TAF1B: variants seen among roughly 807,000 people sequenced by gnomAD.
TAF1B encodes the protein TATA-box binding protein associated factor, RNA polymerase I subunit B.
A neutral mutation model predicts 83.9 loss-of-function variants in TAF1B; 61 were observed. The ratio of observed to expected loss-of-function variants is 0.73; its 90% CI spans 0.59 to 0.90. TAF1B has a LOEUF of 0.90. Ranked by LOEUF, TAF1B falls within the 40% of genes least tolerant of loss-of-function variation. The probability of loss-of-function intolerance (pLI) is 0.00; values close to 1 mark genes in which losing one functional copy is unlikely to be tolerated. For synonymous variants in TAF1B, 221 were observed against 224.6 expected, an observed-to-expected ratio of 0.98 and a Z score of 0.14; for missense variants, 625 against 677.0, an observed-to-expected ratio of 0.92 and a Z score of 0.85.
At chr2:9,855,293 C>T (rs1663526386) in intron 5 of TAF1B, among the ~76,000 whole-genome samples, 1 of 152,236 alleles carries the variant, frequency 6.6e-6, no homozygotes, top group African/African-American at 2.4e-5. Flanking sequence ...CTGCGCCCAG[C>T]CAGTTGGATA....
At chr2:9,870,419 C>T (rs1664130537) in intron 6 of TAF1B, among the ~76,000 whole-genome samples, 2 of 152,054 alleles carry the variant, frequency 1.3e-5, no homozygotes, top group South Asian at 2.1e-4. Context: ...GCCAGGAGGT[C>T]GAGGCTGTAG....
intron 8 of TAF1B, among the ~76,000 whole-genome samples, chr2:9,903,145 GCGC>G (rs1665232764): frequency 1.3e-5 from 2 of 152,100 alleles, no homozygotes; most frequent in African/African-American, 4.8e-5. Flanking sequence ...GAGTGCAGTG[GCGC>G]AGTCTCGGCT....
At chr2:9,863,170 A>G (rs1663837621) in intron 5 of TAF1B, among the ~76,000 whole-genome samples, 1 of 152,220 alleles carries the variant, frequency 6.6e-6, no homozygotes, top group Admixed American at 6.5e-5. Context: ...TAAAGAGTCA[A>G]GACCCATCAG....
At chr2:9,928,442 C>T (rs200230578) in intron 14 of TAF1B, among the ~76,000 whole-genome samples, 26,662 of 151,886 alleles carry the variant, frequency 0.18, 2,947 homozygotes, top group East Asian at 0.3. Flanking sequence ...CTATAAATTA[C>T]CTTAAGCAGC....
At chr2:9,874,536 A>G (rs543419167) in intron 6 of TAF1B, among the ~76,000 whole-genome samples, 4 of 151,990 alleles carry the variant, frequency 2.6e-5, no homozygotes, top group African/African-American at 9.7e-5. Flanking sequence ...CCTCCCTAGT[A>G]GCTGGGATTA....
At chr2:9,927,286 T>G (rs1308055176) in intron 14 of TAF1B, among the ~76,000 whole-genome samples, 2 of 152,174 alleles carry the variant, frequency 1.3e-5, no homozygotes, top group African/African-American at 4.8e-5. Context: ...GACATTTGGG[T>G]TGGTTCCAAG....
chr2:9,868,296 T>G lies in TAF1B; in HGVS notation c.420T>G (p.Ser140Arg), dbSNP rs1664058077. ...RKPTVLEDNL[S>R]HSDWASEPEL... ...AACAGGTATTAGAAGATAATCTAAG[T>G]CATTCAGACTGGGCTAGTGAGCCTG... Residue 140 changes from serine (S) to arginine (R), a missense_variant, in exon 6 of 15, where the codon AGT becomes AGG. Coordinates refer to ENST00000263663, the MANE Select transcript of TAF1B (RefSeq NM_005680.3). 5.6e-6 allele frequency: 9 copies of G among 1,614,042 alleles called. No individual in the cohort carries two copies. The highest frequency in any genetic ancestry group is 1.6e-4 in the Middle Eastern group (1 of 6,082).
chr2:9,867,271 G>A (rs984577859), intron 5 of TAF1B, among the ~76,000 whole-genome samples: 8 of 152,174 alleles, frequency 5.3e-5, no homozygotes, highest in African/African-American at 1.4e-4. Context: ...TTAAACAGGA[G>A]TTTGAATCGT....
intron 6 of TAF1B, chr2:9,868,876 A>T (rs554697250): frequency 5.8e-6 from 2 of 344,088 alleles, no homozygotes; most frequent in East Asian, 1.5e-4. Flanking sequence ...TTACTTTCTG[A>T]TATAATTCCA....
intron 7 of TAF1B, among the ~76,000 whole-genome samples, chr2:9,882,321 G>A (rs953232108): frequency 2.6e-5 from 4 of 151,942 alleles, no homozygotes; most frequent in Non-Finnish European, 4.4e-5. Flanking sequence ...GCTGGTCTCG[G>A]ACTCCTGACC....
At position 9,905,229 on chromosome 2, in the gene TAF1B, G is replaced by A. The variant is rs542695358; in HGVS notation, c.955+223G>A. ...TTTTCAGAAATAAGAGTTCTGTTTT[G>A]GTGTGAGGGATTTATGCTTGAGAGA... is the stretch of plus-strand genomic sequence containing the variant. On this transcript the variant is annotated intron_variant, in intron 9 of 14. Coordinates refer to ENST00000263663, the MANE Select transcript of TAF1B (RefSeq NM_005680.3). 1.1e-4 allele frequency among the ~76,000 whole-genome samples: 16 copies of A among 152,248 alleles called. No homozygotes were observed. In the South Asian group the frequency reaches 2.1e-3, roughly 20 times the overall value.
chr2:9,849,567 G>GTAGATAAAATCTGGC, intron 3 of TAF1B, 107 bp downstream of exon 3: 2 of 715,392 alleles, frequency 2.8e-6, no homozygotes, highest in Non-Finnish European at 4.3e-6. Flanking sequence ...GAAAATGCCA[G>GTAGATAAAATCTGGC]ATTTTATCTA....
At chr2:9,870,688 C>A (rs1364395478) in intron 6 of TAF1B, among the ~76,000 whole-genome samples, 1 of 152,130 alleles carries the variant, frequency 6.6e-6, no homozygotes, top group African/African-American at 2.4e-5. Context: ...TGCACATAGT[C>A]CCCAGTACAT....
At chr2:9,865,429 T>G (rs1328308756) in intron 5 of TAF1B, among the ~76,000 whole-genome samples, 3 of 151,952 alleles carry the variant, frequency 2.0e-5, no homozygotes, top group African/African-American at 4.8e-5. Context: ...CACTGCTCAA[T>G]GAAATAAAAG....
At chr2:9,889,554 C>A (rs1431551403) in intron 8 of TAF1B, among the ~76,000 whole-genome samples, 1 of 152,054 alleles carries the variant, frequency 6.6e-6, no homozygotes, top group Non-Finnish European at 1.5e-5. Context: ...TCTGCCAATT[C>A]CATTGTCTTT....
At chr2:9,921,670 G>A (rs916683429) in intron 14 of TAF1B, among the ~76,000 whole-genome samples, 10 of 152,174 alleles carry the variant, frequency 6.6e-5, no homozygotes, top group African/African-American at 2.4e-4. Context: ...CTGTAGAGAG[G>A]AGTATATGGA....
At chr2:9,912,089 A>G (rs1336712065) in intron 11 of TAF1B, among the ~76,000 whole-genome samples, 1 of 152,208 alleles carries the variant, frequency 6.6e-6, no homozygotes, top group African/African-American at 2.4e-5. Context: ...CTTTTGCTAG[A>G]TGTTTAGTGC....
intron 8 of TAF1B, among the ~76,000 whole-genome samples, chr2:9,900,316 A>C (rs371875860): frequency 1.3e-5 from 2 of 152,192 alleles, no homozygotes; most frequent in Admixed American, 6.5e-5. Context: ...GGCAAATTGC[A>C]TGACCCTAGG....
chr2:9,869,597 C>G (rs537229446), intron 6 of TAF1B, among the ~76,000 whole-genome samples: 2 of 151,466 alleles, frequency 1.3e-5, no homozygotes, highest in Admixed American at 6.6e-5. Flanking sequence ...AATCAATGGC[C>G]GGGCGTAGTG....
Sources: gnomAD v4.1 joint callset for allele counts (sites outside exome capture counted in the v4.1 genomes callset) on GRCh38, gnomAD v4.1.1 for gene constraint, MANE v1.5 for transcripts, NCBI Gene and HGNC (gene_info 2026-07-23, HGNC 2026-07-21) for gene names.